GRM7: variants seen among roughly 807,000 people sequenced by gnomAD.
GRM7 encodes the protein glutamate metabotropic receptor 7.
GRM7 carries 35 observed loss-of-function variants against 84.5 expected under a neutral mutation model. The observed-to-expected ratio is 0.41, with a 90% CI of 0.32 to 0.55. GRM7 has a LOEUF of 0.55. Ranked by LOEUF, GRM7 falls within the 20% of genes least tolerant of loss-of-function variation. GRM7 has a pLI of 0.19. For synonymous variants in GRM7, 487 were observed against 455.1 expected, an observed-to-expected ratio of 1.07 and a Z score of -0.89; for missense variants, 1,003 against 1,194.6, an observed-to-expected ratio of 0.84 and a Z score of 2.36.
At chr3:7,713,106 G>T (rs1164658110) in intron 9 of GRM7, among the ~76,000 whole-genome samples, 1 of 148,230 alleles carries the variant, frequency 6.7e-6, no homozygotes, top group Non-Finnish European at 1.5e-5. Flanking sequence ...CAGATAGAGA[G>T]GATTCGAATT....
chr3:6,878,889 C>T (rs1012089417), intron 1 of GRM7, among the ~76,000 whole-genome samples: 2 of 152,176 alleles, frequency 1.3e-5, no homozygotes, highest in Admixed American at 6.5e-5. Context: ...ACTAGATTTG[C>T]ATTTCTAACC....
At chr3:7,263,775 T>C (rs1459242202) in intron 2 of GRM7, among the ~76,000 whole-genome samples, 1 of 152,008 alleles carries the variant, frequency 6.6e-6, no homozygotes, top group Non-Finnish European at 1.5e-5. Flanking sequence ...GTGCTCTCTA[T>C]GCCCACCAAT....
chr3:7,344,868 T>C (rs182881952), intron 4 of GRM7, among the ~76,000 whole-genome samples: 112 of 152,240 alleles, frequency 7.4e-4, no homozygotes, highest in Non-Finnish European at 1.4e-3. Context: ...ACTTTAGGGT[T>C]ACTGTAGTTA....
chr3:7,056,533 T>G (rs113811255), intron 1 of GRM7, among the ~76,000 whole-genome samples: 2 of 151,992 alleles, frequency 1.3e-5, no homozygotes, highest in African/African-American at 4.8e-5. Flanking sequence ...TTATATATCA[T>G]CTTTGTTAAA....
chr3:7,109,369 T>C (rs945146217), intron 1 of GRM7, among the ~76,000 whole-genome samples: 1 of 152,176 alleles, frequency 6.6e-6, no homozygotes, highest in African/African-American at 2.4e-5. Flanking sequence ...TATAAGACTA[T>C]AGCTTTTACC....
At chr3:7,372,566 A>G (rs1037399585) in intron 4 of GRM7, among the ~76,000 whole-genome samples, 1 of 152,136 alleles carries the variant, frequency 6.6e-6, no homozygotes, top group African/African-American at 2.4e-5. Flanking sequence ...CAGTTTAGAC[A>G]CTGTGATATT....
chr3:7,272,265 T>C (rs923887824), intron 2 of GRM7, among the ~76,000 whole-genome samples: 3 of 152,094 alleles, frequency 2.0e-5, no homozygotes, highest in Non-Finnish European at 4.4e-5. Flanking sequence ...ACAATGCAGG[T>C]AAAAGAATAT....
At chr3:6,881,598 A>AG (rs1695510965) in intron 1 of GRM7, among the ~76,000 whole-genome samples, 1 of 58,094 alleles carries the variant, frequency 1.7e-5, no homozygotes, top group Non-Finnish European at 5.2e-5. Flanking sequence ...AATTTTAAAG[A>AG]AAAAAAAAAC....
chr3:7,253,616 TAAAAAAAAAAA>T (rs138776034), intron 2 of GRM7, among the ~76,000 whole-genome samples: 1 of 121,196 alleles, frequency 8.3e-6, no homozygotes, highest in East Asian at 2.5e-4. Flanking sequence ...AAACTCCATC[TAAAAAAAAAAA>T]AAAAAAAAAA....
intron 9 of GRM7, among the ~76,000 whole-genome samples, chr3:7,721,402 T>C (rs1265626827): frequency 3.9e-5 from 6 of 152,204 alleles, no homozygotes; most frequent in Non-Finnish European, 8.8e-5. Flanking sequence ...ACCTGGGCCA[T>C]ATGGGCTCAA....
chr3:7,065,355 T>G (rs1479486377), intron 1 of GRM7, among the ~76,000 whole-genome samples: 6 of 151,938 alleles, frequency 3.9e-5, no homozygotes, highest in Non-Finnish European at 8.8e-5. Flanking sequence ...CCAGCTTGAA[T>G]TGAGTTTTGT....
At chr3:7,263,345 G>A (rs1698510282) in intron 2 of GRM7, among the ~76,000 whole-genome samples, 2 of 152,182 alleles carry the variant, frequency 1.3e-5, no homozygotes, top group South Asian at 4.1e-4. Flanking sequence ...CACTTAGATG[G>A]GTGGTGCCAG....
At chr3:7,115,975 A>G (rs570362502) in intron 1 of GRM7, among the ~76,000 whole-genome samples, 10 of 152,228 alleles carry the variant, frequency 6.6e-5, no homozygotes, top group Admixed American at 3.9e-4. Context: ...CATTACTGCC[A>G]CTCTCAAACC....
chr3:7,689,629 T>A (rs200128469), intron 9 of GRM7, among the ~76,000 whole-genome samples: 1 of 152,208 alleles, frequency 6.6e-6, no homozygotes, highest in East Asian at 1.9e-4. Flanking sequence ...CGTCTTAAGT[T>A]CAACTTAAAG....
intron 6 of GRM7, among the ~76,000 whole-genome samples, chr3:7,458,096 T>G (rs144006453): frequency 6.6e-6 from 1 of 152,162 alleles, no homozygotes; most frequent in Non-Finnish European, 1.5e-5. Flanking sequence ...AGTAAATACG[T>G]TGATGCAGAA....
intron 9 of GRM7, among the ~76,000 whole-genome samples, chr3:7,689,610 T>C (rs898552296): frequency 6.6e-6 from 1 of 152,232 alleles, no homozygotes; most frequent in Non-Finnish European, 1.5e-5. Context: ...GTCTTGGTTC[T>C]GCAACTGCCG....
intron 1 of GRM7, among the ~76,000 whole-genome samples, chr3:7,062,762 T>C (rs182296037): frequency 2.4e-4 from 36 of 151,888 alleles, no homozygotes; most frequent in African/African-American, 8.7e-4. Context: ...CATTAGATGG[T>C]TGTCATCAAC....
At chr3:7,361,806 T>G (rs1693677198) in intron 4 of GRM7, among the ~76,000 whole-genome samples, 1 of 152,146 alleles carries the variant, frequency 6.6e-6, no homozygotes, top group Non-Finnish European at 1.5e-5. Flanking sequence ...TGGCTGCTGA[T>G]GCATTCCTGG....
At chr3:6,935,408 A>T in intron 1 of GRM7, among the ~76,000 whole-genome samples, 1 of 146,874 alleles carries the variant, frequency 6.8e-6, no homozygotes, top group East Asian at 2.0e-4. Context: ...GAAATATGGC[A>T]AAGCTCAAAG....
Sources: gnomAD v4.1 joint callset for allele counts (sites outside exome capture counted in the v4.1 genomes callset) on GRCh38, gnomAD v4.1.1 for gene constraint, MANE v1.5 for transcripts, NCBI Gene and HGNC (gene_info 2026-07-23, HGNC 2026-07-21) for gene names.